The following ACLY variants were observed in gnomAD, a reference collection of about 807,000 sequenced individuals.
ACLY encodes ATP-citrate synthase.
ACLY carries 41 observed loss-of-function variants against 133.0 expected under a neutral mutation model. The ratio of observed to expected loss-of-function variants is 0.31; its 90% CI spans 0.24 to 0.40. The LOEUF (loss-of-function observed/expected upper bound fraction) is 0.40, where lower values mean the gene tolerates loss of function less well. ACLY is among the 10% of genes least tolerant of loss of function. The pLI, the probability that ACLY is intolerant of heterozygous loss-of-function variation, is 1.00. For missense variants in ACLY, 1,046 were observed against 1,453.8 expected (o/e 0.72, Z 4.56); for synonymous variants, 495 against 549.3 (o/e 0.90, Z 1.38).
chr17:41,905,584 T>G lies in ACLY; in HGVS notation c.941A>C (p.Gln314Pro). The change falls in exon 9 of 29, where the codon CAG becomes CCG. Residue 314 changes from glutamine to proline, a missense_variant. Transcript: ENST00000352035. ...YGEYSGAPSE[Q>P]QTYDYAKTIL... ...AGTCTTGGCATAGTCATAGGTCTGC[T>G]GCTCGCTGGGGGCGCCTGAGTACTC... 6.2e-7 allele frequency: 1 copy of G among 1,614,190 alleles called. No homozygotes were observed. The highest frequency in any genetic ancestry group is 1.1e-5 in the South Asian group (1 of 91,084).
intron 1 of ACLY, among the ~76,000 whole-genome samples, chr17:41,929,110 T>C (rs1162150939): frequency 6.6e-6 from 1 of 151,662 alleles, no homozygotes; most frequent in African/African-American, 2.4e-5. Context: ...TTTTTTTTTT[T>C]TTGAGACAGG....
At chr17:41,912,330 G>A (rs1445965090) in intron 3 of ACLY, 90 bp downstream of exon 3, 2 of 1,528,174 alleles carry the variant, frequency 1.3e-6, no homozygotes, top group Admixed American at 1.8e-5. Flanking sequence ...GAGACTGGCT[G>A]TGGGGGTGAT....
chr17:41,904,819 A>G, intron 9 of ACLY, 29 bp from the exon 10 acceptor site: 1 of 1,598,804 alleles, frequency 6.3e-7, no homozygotes, highest in Middle Eastern at 1.7e-4. Flanking sequence ...AGAATCAAAA[A>G]CAGTTACATA....
chr17:41,904,387 GA>G (rs2049646950), intron 10 of ACLY: 2 of 216,244 alleles, frequency 9.2e-6, no homozygotes, highest in Non-Finnish European at 1.8e-5. Context: ...GAAGGGAAGG[GA>G]AAGGAAGAGA....
Position 41,883,214 on chromosome 17 carries a change from A to C in ACLY, c.2173T>G (p.Tyr725Asp), listed in dbSNP as rs79062040. Residue 725 changes from tyrosine (Y) to aspartate (D), a missense_variant, in exon 20 of 29, where the codon TAT (tyrosine) becomes GAT (aspartate). This residue lies in a region of ACLY where 575 missense variants were observed against 804.2 expected (regional missense o/e 0.71). Transcript: ENST00000352035. ...VLGEIGGTEEYKICRGIKEGR... is the reference protein window; with the variant it reads ...VLGEIGGTEEDKICRGIKEGR... Reference sequence around the variant, plus strand: ...TCCTTGATGCCCCGGCAAATCTTATATTCCTCAGTGCCCCCAATCTGCCAA... The same window carrying C: ...TCCTTGATGCCCCGGCAAATCTTATCTTCCTCAGTGCCCCCAATCTGCCAA... 2,684 of 1,613,950 alleles carry C rather than the reference A, an allele frequency of 1.7e-3. 5 individuals are homozygous for C. Among genetic ancestry groups the C allele is most frequent in the Middle Eastern group, 3.0e-3 (18 of 6,062 alleles).
chr17:41,882,397 A>AAAAAAAAAAT (rs2048942053), intron 20 of ACLY, among the ~76,000 whole-genome samples: 3 of 144,458 alleles, frequency 2.1e-5, no homozygotes, highest in South Asian at 2.2e-4. Flanking sequence ...AAAAAAAAAA[A>AAAAAAAAAAT]GTTGTTTCCA....
intron 16 of ACLY, among the ~76,000 whole-genome samples, chr17:41,890,160 C>T (rs1477274762): frequency 2.0e-5 from 3 of 152,120 alleles, no homozygotes; most frequent in African/African-American, 7.2e-5. Flanking sequence ...ATATGAGTGG[C>T]ATACAGTATT....
intron 23 of ACLY, among the ~76,000 whole-genome samples, chr17:41,872,870 G>A (rs543037108): frequency 4.6e-5 from 7 of 152,304 alleles, no homozygotes; most frequent in African/African-American, 1.7e-4. Flanking sequence ...GAGGTGGGAG[G>A]CAGGAGCAGA....
chr17:41,903,705 G>A (rs1196202125), intron 10 of ACLY, among the ~76,000 whole-genome samples: 8 of 141,488 alleles, frequency 5.7e-5, no homozygotes, highest in Non-Finnish European at 3.0e-5. Context: ...GCAGTGAGCC[G>A]AGATTGCGCC....
chr17:41,874,831 C>T (rs2048690660), intron 22 of ACLY, among the ~76,000 whole-genome samples: 1 of 151,110 alleles, frequency 6.6e-6, no homozygotes, highest in African/African-American at 2.4e-5. Context: ...CCTCGGCCTC[C>T]CAAAGTGCTG....
At chr17:41,877,017 G>A (rs1555626308) in intron 22 of ACLY, among the ~76,000 whole-genome samples, 1 of 151,820 alleles carries the variant, frequency 6.6e-6, no homozygotes, top group Non-Finnish European at 1.5e-5. Flanking sequence ...CATTTCCAGA[G>A]TTGAGGCAAA....
At chr17:41,924,350 T>C (rs972542721) in intron 1 of ACLY, among the ~76,000 whole-genome samples, 25 of 151,636 alleles carry the variant, frequency 1.6e-4, no homozygotes, top group African/African-American at 5.6e-4. Flanking sequence ...GGTTTCACCA[T>C]GTTAGCCAGG....
chr17:41,899,179 G>T (rs1555631053), intron 11 of ACLY, among the ~76,000 whole-genome samples: 3 of 152,070 alleles, frequency 2.0e-5, no homozygotes, highest in Admixed American at 2.0e-4. Context: ...GGAGGCTCAG[G>T]CAGGAGGATC....
chr17:41,898,004 A>C (rs1236498037), intron 12 of ACLY, among the ~76,000 whole-genome samples, 165 bp from the exon 13 acceptor site: 1 of 152,240 alleles, frequency 6.6e-6, no homozygotes, highest in Non-Finnish European at 1.5e-5. Flanking sequence ...ATACGAATTA[A>C]TATTATCCCA....
intron 5 of ACLY, 26 bp downstream of exon 5, chr17:41,909,484 C>G (rs749315252): frequency 6.2e-7 from 1 of 1,608,878 alleles, no homozygotes; most frequent in Admixed American, 1.7e-5. Flanking sequence ...CGAACTGCCA[C>G]CTCCCTACCG....
At chr17:41,869,149 G>A (rs1555624567) in intron 26 of ACLY, 24 bp from the exon 27 acceptor site, 2 of 1,572,980 alleles carry the variant, frequency 1.3e-6, no homozygotes, top group South Asian at 1.1e-5. Flanking sequence ...AAAATTCAAA[G>A]CATTTATCAT....
At chr17:41,886,447 A>T (rs782493058) in intron 17 of ACLY, 139 bp from the exon 18 acceptor site, 4 of 819,062 alleles carry the variant, frequency 4.9e-6, no homozygotes, top group Non-Finnish European at 1.9e-6. Flanking sequence ...ACACTTGCCC[A>T]CTGGGTTTCC....
chr17:41,908,021 G>A (rs2049777153), intron 6 of ACLY, among the ~76,000 whole-genome samples: 1 of 152,100 alleles, frequency 6.6e-6, no homozygotes, highest in Non-Finnish European at 1.5e-5. Flanking sequence ...GTGGAGCAGG[G>A]GCCGCAGGGT....
At chr17:41,898,028 C>T in intron 12 of ACLY, among the ~76,000 whole-genome samples, 189 bp from the exon 13 acceptor site, 1 of 152,228 alleles carries the variant, frequency 6.6e-6, no homozygotes, top group East Asian at 1.9e-4. Flanking sequence ...TACAGATCAG[C>T]AAACTGAGGC....
Sources: allele counts gnomAD v4.1 joint callset (sites outside exome capture counted in the v4.1 genomes callset), GRCh38; gene constraint gnomAD v4.1.1; regional missense constraint gnomAD v4.1.1; transcripts MANE v1.5; gene names NCBI Gene and HGNC (gene_info 2026-07-23, HGNC 2026-07-21).